ANKS1A: variants seen among roughly 807,000 people sequenced by gnomAD.
ANKS1A encodes the protein ankyrin repeat and SAM domain-containing protein 1A.
In ANKS1A, 55 loss-of-function variants were observed where a neutral mutation model predicts 120.3. That is an observed-to-expected ratio of 0.46 (90% CI 0.37 to 0.57). The LOEUF (loss-of-function observed/expected upper bound fraction) is 0.57, where lower values mean the gene tolerates loss of function less well. Ranked by LOEUF, ANKS1A falls within the 20% of genes least tolerant of loss-of-function variation. The probability of loss-of-function intolerance (pLI) is 0.00; values close to 1 mark genes in which losing one functional copy is unlikely to be tolerated. For missense variants in ANKS1A, 1,123 were observed against 1,480.3 expected (o/e 0.76, Z 3.96); for synonymous variants, 590 against 604.7 (o/e 0.98, Z 0.36).
intron 11 of ANKS1A, among the ~76,000 whole-genome samples, chr6:35,030,332 T>C (rs1027997860): frequency 6.6e-6 from 1 of 152,216 alleles, no homozygotes; most frequent in South Asian, 2.1e-4. Context: ...TACCGTAATA[T>C]TAAGACTCAA....
chr6:34,927,874 C>T (rs2127471000), intron 1 of ANKS1A, among the ~76,000 whole-genome samples: 2 of 152,208 alleles, frequency 1.3e-5, no homozygotes, highest in Non-Finnish European at 2.9e-5. Flanking sequence ...CAGTTCCTCA[C>T]CCACCCCTTA....
intron 1 of ANKS1A, among the ~76,000 whole-genome samples, chr6:34,913,954 G>A (rs1768028383): frequency 6.6e-6 from 1 of 152,056 alleles, no homozygotes; most frequent in African/African-American, 2.4e-5. Context: ...GTCTCGCTCT[G>A]TTGCCCAGGC....
intron 16 of ANKS1A, among the ~76,000 whole-genome samples, chr6:35,080,132 C>T (rs1242631821): frequency 6.6e-6 from 1 of 152,134 alleles, no homozygotes; most frequent in Non-Finnish European, 1.5e-5. Flanking sequence ...ACACATAAAA[C>T]TTGGGGGATA....
chr6:34,915,986 CTTTTTTTT>C (rs202041070), intron 1 of ANKS1A, among the ~76,000 whole-genome samples: 4 of 104,568 alleles, frequency 3.8e-5, no homozygotes, highest in African/African-American at 1.2e-4. Flanking sequence ...ATGTCTGGAT[CTTTTTTTT>C]TTTTTTTTTT....
intron 12 of ANKS1A, among the ~76,000 whole-genome samples, chr6:35,059,228 C>T (rs919323194): frequency 8.5e-5 from 13 of 152,228 alleles, no homozygotes; most frequent in East Asian, 1.9e-4. Flanking sequence ...CTTCAGACGG[C>T]GTGCTGGCCC....
At chr6:34,967,745 CAG>C (rs769610732) in intron 2 of ANKS1A, among the ~76,000 whole-genome samples, 9 of 151,912 alleles carry the variant, frequency 5.9e-5, no homozygotes, top group South Asian at 2.1e-4. Context: ...CACTGAGAAA[CAG>C]AGAAAAACAA....
chr6:35,097,522 T>C, the ANKS1A span, among the ~76,000 whole-genome samples: 283 of 145,692 alleles, frequency 1.9e-3, 2 homozygotes, highest in African/African-American at 6.9e-3. Flanking sequence ...AAAAAAAAAA[T>C]TGGGCTTCTA....
At chr6:35,031,025 G>T (rs1222960932) in intron 11 of ANKS1A, among the ~76,000 whole-genome samples, 1 of 152,140 alleles carries the variant, frequency 6.6e-6, no homozygotes, top group African/African-American at 2.4e-5. Context: ...GGTTTGATGC[G>T]CATCTTAGTC....
chr6:34,980,224 T>C (rs947054968), intron 3 of ANKS1A, among the ~76,000 whole-genome samples: 3 of 152,288 alleles, frequency 2.0e-5, no homozygotes, highest in Admixed American at 6.5e-5. Context: ...GTTGGCACTT[T>C]CCTGACAGCT....
downstream of ANKS1A, among the ~76,000 whole-genome samples, chr6:35,095,572 AAAAG>A (rs1561977908): frequency 2.0e-5 from 3 of 150,318 alleles, no homozygotes; most frequent in African/African-American, 7.4e-5. Context: ...AAAAAAAAAA[AAAAG>A]GAAAGACGAA....
intron 11 of ANKS1A, among the ~76,000 whole-genome samples, chr6:35,034,830 T>C (rs955485388): frequency 6.6e-6 from 1 of 152,216 alleles, no homozygotes; most frequent in Non-Finnish European, 1.5e-5. Context: ...CGAGTGATGA[T>C]TGATCCCTGT....
At chr6:34,969,444 G>A (rs988548121) in intron 2 of ANKS1A, among the ~76,000 whole-genome samples, 19 of 152,044 alleles carry the variant, frequency 1.2e-4, no homozygotes, top group African/African-American at 4.3e-4. Context: ...TAGCAGAGAC[G>A]GGCTTTCGCC....
intron 11 of ANKS1A, among the ~76,000 whole-genome samples, chr6:35,042,381 T>C (rs1431687722): frequency 6.6e-6 from 1 of 152,174 alleles, no homozygotes; most frequent in East Asian, 1.9e-4. Context: ...AAGAAAGATG[T>C]ATGTCCTAAA....
rs1297404672 is a variant in ANKS1A, at chr6:35,082,439, C to A, written c.2710-252C>A. Among the ~76,000 whole-genome samples, 1 of 152,164 alleles carries A rather than the reference C, an allele frequency of 6.6e-6. No individual in the cohort carries two copies. The highest frequency in any genetic ancestry group is 1.5e-5 in the Non-Finnish European group (1 of 68,026). Reference sequence around the variant, plus strand: ...CATCTCCTTTGAGACTCATCTCGGACACCACAGAGACTGTCCTTCCCAAGC... The same window carrying A: ...CATCTCCTTTGAGACTCATCTCGGAAACCACAGAGACTGTCCTTCCCAAGC... On this transcript the variant is annotated intron_variant, in intron 17 of 23. Coordinates refer to ENST00000360359, the MANE Select transcript of ANKS1A (RefSeq NM_015245.3). The surrounding 1 kb of genome is among the most constrained non-coding windows in gnomAD (Gnocchi z 4.1).
intron 8 of ANKS1A, among the ~76,000 whole-genome samples, 181 bp downstream of exon 8, chr6:34,985,459 C>T (rs1394462584): frequency 6.6e-6 from 1 of 152,208 alleles, no homozygotes; most frequent in Non-Finnish European, 1.5e-5. Flanking sequence ...TGTACTGAAA[C>T]TCTACAGATC....
intron 1 of ANKS1A, among the ~76,000 whole-genome samples, chr6:34,936,462 A>G (rs1311402586): frequency 1.3e-5 from 2 of 152,204 alleles, no homozygotes; most frequent in African/African-American, 4.8e-5. Flanking sequence ...AGGATATAGT[A>G]CTGAGGTCAT....
chr6:35,090,057 C>A lies in ANKS1A; in HGVS notation c.*1448C>A. On this transcript the variant is annotated 3_prime_UTR_variant, in exon 24 of 24. Transcript: ENST00000360359. Reference sequence around the variant, plus strand: ...CCAGAAATCAGAAGTGGGGCTGTGTCTCTGACTGGCTAGAGGCCAGGCCTT... The same window carrying A: ...CCAGAAATCAGAAGTGGGGCTGTGTATCTGACTGGCTAGAGGCCAGGCCTT... The A allele has an allele frequency of 7.9e-7, 1 of 1,259,726 alleles. No individual in the cohort carries two copies. The highest frequency in any genetic ancestry group is 1.3e-5 in the South Asian group (1 of 75,984). The allele number at this position is 1,259,726 out of a possible 1,614,324, so 78.0% of individuals were successfully genotyped here.
At chr6:35,038,152 C>T (rs747443165) in intron 11 of ANKS1A, 2 of 456,152 alleles carry the variant, frequency 4.4e-6, no homozygotes, top group Non-Finnish European at 8.8e-6. Flanking sequence ...CTCCAACCCG[C>T]ACCCCCATCT....
rs1777639559 is a variant in ANKS1A, at chr6:35,081,000, G to A, written c.2551G>A (p.Asp851Asn). Residue 851 changes from aspartate (D) to asparagine (N), a missense_variant, in exon 17 of 24, where the codon GAT (aspartate) becomes AAT (asparagine). By Grantham distance (23) the Asp-to-Asn change is conservative. Coordinates refer to ENST00000360359, the MANE Select transcript of ANKS1A (RefSeq NM_015245.3). ...TGGATTTTTCCCTCCACAGTGCCAA[G>A]ATTTGCTCTCCCAGACGTCATCCCC... is the stretch of plus-strand genomic sequence containing the variant. Reference protein sequence around the residue: ...PPRFSQLRCQDLLSQTSSPLS... With the variant: ...PPRFSQLRCQNLLSQTSSPLS... 6.2e-7 allele frequency: 1 copy of A among 1,613,052 alleles called. No homozygotes were observed. The highest frequency in any genetic ancestry group is 1.7e-5 in the Admixed American group (1 of 59,964).
Sources: gnomAD v4.1 joint callset for allele counts (sites outside exome capture counted in the v4.1 genomes callset) on GRCh38, gnomAD v4.1.1 for gene constraint, Gnocchi (gnomAD v3.1) non-coding constraint, MANE v1.5 for transcripts, NCBI Gene and HGNC (gene_info 2026-07-23, HGNC 2026-07-21) for gene names.